Variants in DLG2 observed in about 807,000 individuals in gnomAD.
DLG2 encodes disks large homolog 2.
DLG2 carries 45 observed loss-of-function variants against 132.5 expected under a neutral mutation model. The ratio of observed to expected loss-of-function variants is 0.34; its 90% CI spans 0.27 to 0.44. DLG2 has a LOEUF of 0.44. DLG2 is among the 20% of genes least tolerant of loss of function. The pLI, the probability that DLG2 is intolerant of heterozygous loss-of-function variation, is 1.00. For missense variants in DLG2, 1,045 were observed against 1,196.9 expected, an observed-to-expected ratio of 0.87 and a Z score of 1.87; for synonymous variants, 424 against 419.6, an observed-to-expected ratio of 1.01 and a Z score of -0.13.
chr11:83,549,236 T>C (rs1287465287), intron 19 of DLG2, among the ~76,000 whole-genome samples: 1 of 152,158 alleles, frequency 6.6e-6, no homozygotes, highest in Non-Finnish European at 1.5e-5. Context: ...TGGACACATA[T>C]GACCCATTTT....
At chr11:85,482,940 C>T (rs1845994492) in intron 3 of DLG2, among the ~76,000 whole-genome samples, 1 of 152,074 alleles carries the variant, frequency 6.6e-6, no homozygotes, top group African/African-American at 2.4e-5. Flanking sequence ...TATATATCTG[C>T]TATATAAGAT....
chr11:84,236,833 T>C (rs1003559825), intron 8 of DLG2, among the ~76,000 whole-genome samples: 17 of 152,194 alleles, frequency 1.1e-4, no homozygotes, highest in African/African-American at 4.1e-4. Flanking sequence ...TATTTATCAC[T>C]TGGAGAGATT....
chr11:84,201,506 G>T (rs1202143533), intron 8 of DLG2, among the ~76,000 whole-genome samples: 1 of 151,802 alleles, frequency 6.6e-6, no homozygotes, highest in Non-Finnish European at 1.5e-5. Context: ...TTTTGGAACA[G>T]TTTCAGTAGA....
At chr11:84,204,909 G>A (rs1164669489) in intron 8 of DLG2, among the ~76,000 whole-genome samples, 1 of 151,926 alleles carries the variant, frequency 6.6e-6, no homozygotes, top group Non-Finnish European at 1.5e-5. Flanking sequence ...TTGCCATACT[G>A]GCCAGGCTGG....
chr11:84,747,223 T>C (rs989452035), intron 6 of DLG2, among the ~76,000 whole-genome samples: 3 of 151,720 alleles, frequency 2.0e-5, no homozygotes, highest in African/African-American at 7.2e-5. Context: ...TATAAAGGTA[T>C]ATGCAATTCC....
intron 3 of DLG2, among the ~76,000 whole-genome samples, chr11:85,322,166 C>A (rs996171059): frequency 2.0e-5 from 3 of 152,008 alleles, no homozygotes; most frequent in African/African-American, 4.8e-5. Context: ...CTTTTCTCAC[C>A]TCATCTGTAC....
intron 18 of DLG2, chr11:83,720,849 AG>A (rs1157606357): frequency 6.6e-6 from 1 of 150,476 alleles, no homozygotes; most frequent in Non-Finnish European, 1.5e-5. Context: ...GCCCTTGTGA[AG>A]GCAGCATTTG....
At chr11:84,188,863 T>C (rs1360980559) in intron 8 of DLG2, among the ~76,000 whole-genome samples, 1 of 152,186 alleles carries the variant, frequency 6.6e-6, no homozygotes, top group Non-Finnish European at 1.5e-5. Context: ...TGCCTGAGTA[T>C]ACCCTCAATA....
intron 3 of DLG2, among the ~76,000 whole-genome samples, chr11:85,552,901 G>T (rs1385628069): frequency 6.6e-6 from 1 of 151,376 alleles, no homozygotes; most frequent in African/African-American, 2.4e-5. Context: ...TAAAAAACAT[G>T]ATCAAATTCA....
intron 7 of DLG2, among the ~76,000 whole-genome samples, chr11:84,466,836 A>C (rs1461213616): frequency 6.6e-6 from 1 of 151,420 alleles, no homozygotes; most frequent in Non-Finnish European, 1.5e-5. Context: ...TATTTGTGAC[A>C]GTATTTGTTA....
intron 19 of DLG2, among the ~76,000 whole-genome samples, chr11:83,587,773 A>G (rs1301179313): frequency 6.6e-6 from 1 of 152,050 alleles, no homozygotes; most frequent in Non-Finnish European, 1.5e-5. Context: ...GGCGCAGGTC[A>G]GTGGGTGCGC....
chr11:84,601,944 T>G (rs533492602), intron 6 of DLG2, among the ~76,000 whole-genome samples: 1 of 152,110 alleles, frequency 6.6e-6, no homozygotes, highest in African/African-American at 2.4e-5. Flanking sequence ...TATTTAACAT[T>G]TGGGGTCTCA....
chr11:85,062,935 C>T (rs751758470), intron 6 of DLG2, among the ~76,000 whole-genome samples: 1 of 151,688 alleles, frequency 6.6e-6, no homozygotes, highest in Non-Finnish European at 1.5e-5. Context: ...CCTCTGCCAG[C>T]AGAGGTGGGG....
chr11:84,587,969 T>C (rs941699873), intron 6 of DLG2, among the ~76,000 whole-genome samples: 1 of 152,306 alleles, frequency 6.6e-6, no homozygotes, highest in Non-Finnish European at 1.5e-5. Context: ...CTCTTTTCAG[T>C]GCACTTCCTA....
intron 6 of DLG2, among the ~76,000 whole-genome samples, chr11:84,555,975 C>T (rs2099411259): frequency 6.6e-6 from 1 of 152,186 alleles, no homozygotes; most frequent in African/African-American, 2.4e-5. Context: ...ATGAGCTCAG[C>T]CCCTGCCCAT....
chr11:85,013,179 A>G (rs1036562303), intron 6 of DLG2, among the ~76,000 whole-genome samples: 2 of 152,144 alleles, frequency 1.3e-5, no homozygotes, highest in African/African-American at 4.8e-5. Context: ...CCTTCCCTTG[A>G]ACCTTTTATA....
chr11:85,113,425 A>T (rs2073086847), intron 5 of DLG2, among the ~76,000 whole-genome samples: 1 of 152,066 alleles, frequency 6.6e-6, no homozygotes, highest in Non-Finnish European at 1.5e-5. Context: ...GGATAAAGAA[A>T]GATGGAAATG....
intron 3 of DLG2, chr11:85,510,081 G>C (rs1278086284): frequency 6.8e-6 from 1 of 146,384 alleles, no homozygotes; most frequent in Non-Finnish European, 1.5e-5. Flanking sequence ...TTTTGTGAAA[G>C]CTGAAAGAAA....
chr11:85,496,627 C>G (rs1419426470), intron 3 of DLG2, among the ~76,000 whole-genome samples: 1 of 152,170 alleles, frequency 6.6e-6, no homozygotes, highest in Non-Finnish European at 1.5e-5. Flanking sequence ...CAAGTGGGTC[C>G]CTGATCCCCA....
Sources: gnomAD v4.1 joint callset for allele counts (sites outside exome capture counted in the v4.1 genomes callset) on GRCh38, gnomAD v4.1.1 for gene constraint, MANE v1.5 for transcripts, NCBI Gene and HGNC (gene_info 2026-07-23, HGNC 2026-07-21) for gene names.